The following CACUL1 variants were observed in gnomAD, a reference collection of about 807,000 sequenced individuals.
The protein encoded by CACUL1 is CDK2-associated and cullin domain-containing protein 1.
A neutral mutation model predicts 45.2 loss-of-function variants in CACUL1; 13 were observed. The observed-to-expected ratio is 0.29, with a 90% CI of 0.19 to 0.46. The LOEUF (loss-of-function observed/expected upper bound fraction) is 0.46. CACUL1 is among the 20% of genes least tolerant of loss of function. The pLI is 1.00. For missense variants in CACUL1, 421 were observed against 471.4 expected, an observed-to-expected ratio of 0.89 and a Z score of 0.99; for synonymous variants, 197 against 174.2, an observed-to-expected ratio of 1.13 and a Z score of -1.03.
chr10:118,741,634 A>G (rs1339377639), intron 1 of CACUL1, among the ~76,000 whole-genome samples: 1 of 152,028 alleles, frequency 6.6e-6, no homozygotes, highest in Non-Finnish European at 1.5e-5. Flanking sequence ...CCAAATTGAA[A>G]CCTCTTATCT....
intron 3 of CACUL1, among the ~76,000 whole-genome samples, chr10:118,724,622 TA>T (rs1253125962): frequency 6.6e-6 from 1 of 152,160 alleles, no homozygotes; most frequent in Non-Finnish European, 1.5e-5. Context: ...TCTATCAAAT[TA>T]GGGTTTTTAG....
In CACUL1 at chr10:118,754,768, T is replaced by G; in HGVS notation, c.-6A>C. The G allele has an allele frequency of 1.3e-6, 2 of 1,550,748 alleles. No homozygotes were observed. The highest frequency in any genetic ancestry group is 1.7e-6 in the Non-Finnish European group (2 of 1,153,152). The stretch of plus-strand genomic sequence containing the variant: ...TCTTCCATGCTTTCCTCCATCCTGC[T>G]GGCCCCCGGCACCCGCCCGCCTCAC... On this transcript the variant is annotated 5_prime_UTR_variant, in exon 1 of 9. Transcript: ENST00000369151.
intron 6 of CACUL1, among the ~76,000 whole-genome samples, chr10:118,694,570 T>C (rs1845301906): frequency 6.6e-6 from 1 of 152,248 alleles, no homozygotes; most frequent in South Asian, 2.1e-4. Context: ...TATAGAAAGA[T>C]ATATACAAAA....
intron 1 of CACUL1, among the ~76,000 whole-genome samples, chr10:118,740,857 C>G (rs575728736): frequency 6.7e-6 from 1 of 150,286 alleles, no homozygotes; most frequent in African/African-American, 2.5e-5. Context: ...ACCCGGGAGA[C>G]GGAGCTTGCA....
chr10:118,754,872 G>A lies in CACUL1; in HGVS notation c.-110C>T. ...AGTTACATCGCCGGCGGCAGGAATG[G>A]GCGCAGCGGAGAGGGCTGCGGTGCG... is the stretch of plus-strand genomic sequence containing the variant. On this transcript the variant is annotated 5_prime_UTR_variant, in exon 1 of 9. Coordinates refer to ENST00000369151, the MANE Select transcript of CACUL1 (RefSeq NM_153810.5). The A allele has an allele frequency of 7.0e-6, 10 of 1,432,584 alleles. No homozygotes were observed. The highest frequency in any genetic ancestry group is 9.3e-6 in the Non-Finnish European group (10 of 1,073,510). 88.7% of individuals were successfully genotyped at this position (1,432,584 alleles called of 1,614,324 possible).
At chr10:118,691,570 T>C (rs998174649) in intron 6 of CACUL1, 167 bp from the exon 7 acceptor site, 4 of 634,020 alleles carry the variant, frequency 6.3e-6, no homozygotes, top group Non-Finnish European at 1.1e-5. Flanking sequence ...ATTTCCCTTC[T>C]AAAAAGAATT....
intron 8 of CACUL1, 55 bp from the exon 9 acceptor site, chr10:118,686,223 A>G (rs1845204401): frequency 1.4e-6 from 2 of 1,400,586 alleles, no homozygotes; most frequent in Non-Finnish European, 2.0e-6. Context: ...ATTTGATAAC[A>G]GCAGGAATCT....
At chr10:118,697,310 G>GAGCT (rs1245424893) in intron 5 of CACUL1, among the ~76,000 whole-genome samples, 1 of 152,238 alleles carries the variant, frequency 6.6e-6, no homozygotes, top group African/African-American at 2.4e-5. Flanking sequence ...TGAAGTCACA[G>GAGCT]AGCTAGCTAG....
chr10:118,717,167 C>T (rs912946452), intron 3 of CACUL1, among the ~76,000 whole-genome samples: 1 of 152,210 alleles, frequency 6.6e-6, no homozygotes, highest in East Asian at 1.9e-4. Context: ...AGGAACCCTA[C>T]ACCTTAAGCC....
chr10:118,713,611 C>CA (rs1167128790), intron 3 of CACUL1, among the ~76,000 whole-genome samples: 1 of 152,198 alleles, frequency 6.6e-6, no homozygotes, highest in Non-Finnish European at 1.5e-5. Context: ...GTAATGTATT[C>CA]ATCTGGTTTA....
chr10:118,685,991 A>T lies in CACUL1; in HGVS notation c.*137T>A. The T allele has an allele frequency of 2.0e-6, 1 of 506,362 alleles. No individual in the cohort carries two copies. The allele number at this position is 506,362 out of a possible 1,614,324, so 31.4% of individuals were successfully genotyped here. A position where few individuals can be genotyped will look rare whatever the true frequency, so the allele number is the denominator to read the frequency against. On this transcript the variant is annotated 3_prime_UTR_variant, in exon 9 of 9. Transcript: ENST00000369151. ...GTTTTAAAATTACAAACCAAGTAAGAAGTCCAACATCCTCTTCCATGAACA... is the reference window on the plus strand; with the variant it reads ...GTTTTAAAATTACAAACCAAGTAAGTAGTCCAACATCCTCTTCCATGAACA...
intron 4 of CACUL1, among the ~76,000 whole-genome samples, chr10:118,707,155 T>G (rs1433463985): frequency 6.6e-6 from 1 of 152,232 alleles, no homozygotes; most frequent in African/African-American, 2.4e-5. Context: ...CATTTTACTT[T>G]CTGAGGACAA....
intron 1 of CACUL1, among the ~76,000 whole-genome samples, chr10:118,731,072 C>G (rs186302498): frequency 6.6e-6 from 1 of 152,180 alleles, no homozygotes; most frequent in East Asian, 1.9e-4. Flanking sequence ...CAGACAGGCT[C>G]TTACTCCCAC....
At chr10:118,725,911 GGGATAAAAATAAA>G (rs1217523591) in intron 3 of CACUL1, among the ~76,000 whole-genome samples, 1 of 152,110 alleles carries the variant, frequency 6.6e-6, no homozygotes, top group African/African-American at 2.4e-5. Context: ...GATATGCCTT[GGGATAAAAATAAA>G]TAAGTCCCTC....
In CACUL1 at chr10:118,754,782, C is replaced by A; in HGVS notation, c.-20G>T. 1.3e-6 allele frequency: 2 copies of A among 1,534,738 alleles called. No individual in the cohort carries two copies. Among genetic ancestry groups the A allele is most frequent in the South Asian group, 2.5e-5 (2 of 78,916 alleles). The stretch of plus-strand genomic sequence containing the variant: ...CTCCATCCTGCTGGCCCCCGGCACC[C>A]GCCCGCCTCACAGGCACCTGCCGCC... On this transcript the variant is annotated 5_prime_UTR_variant, in exon 1 of 9. Coordinates refer to ENST00000369151, the MANE Select transcript of CACUL1 (RefSeq NM_153810.5).
intron 1 of CACUL1, among the ~76,000 whole-genome samples, chr10:118,740,178 T>C (rs1268891033): frequency 2.0e-5 from 3 of 151,690 alleles, no homozygotes; most frequent in African/African-American, 7.3e-5. Flanking sequence ...AAAGAGTAAG[T>C]TCAACAAAAA....
chr10:118,679,888 A>C lies in CACUL1; in HGVS notation c.*6240T>G. On this transcript the variant is annotated 3_prime_UTR_variant, in exon 9 of 9. Coordinates refer to ENST00000369151, the MANE Select transcript of CACUL1 (RefSeq NM_153810.5). ...CAGGCTGGTCTCAAATCCTGGCTTC[A>C]AGCAATCTTCCCACCTCAGCCTCTC... 6.6e-6 allele frequency: 1 copy of C among 152,160 alleles called. No individual in the cohort carries two copies. The highest frequency in any genetic ancestry group is 1.9e-4 in the East Asian group (1 of 5,180). 9.4% of individuals were successfully genotyped at this position (152,160 alleles called of 1,614,324 possible).
chr10:118,693,034 G>A, intron 6 of CACUL1: 1 of 152,338 alleles, frequency 6.6e-6, no homozygotes, highest in East Asian at 1.9e-4. Flanking sequence ...AAACCCATCT[G>A]CCACAAAATA....
At chr10:118,744,045 C>A (rs114954442) in intron 1 of CACUL1, among the ~76,000 whole-genome samples, 2,211 of 152,174 alleles carry the variant, frequency 0.015, 51 homozygotes, top group African/African-American at 0.05. Context: ...ACTTACATTC[C>A]AGTTTATTAT....
Sources: gnomAD v4.1 joint callset for allele counts (sites outside exome capture counted in the v4.1 genomes callset) on GRCh38, gnomAD v4.1.1 for gene constraint, MANE v1.5 for transcripts, NCBI Gene and HGNC (gene_info 2026-07-23, HGNC 2026-07-21) for gene names.